Variants in HS6ST3 observed in about 807,000 individuals in gnomAD.
HS6ST3 encodes the protein heparan sulfate 6-O-sulfotransferase 3, also known as heparan-sulfate 6-O-sulfotransferase 3.
HS6ST3 carries 12 observed loss-of-function variants against 36.7 expected under a neutral mutation model. That is an observed-to-expected ratio of 0.33 (90% CI 0.21 to 0.53). The LOEUF is 0.53. Ranked by LOEUF, HS6ST3 falls within the 20% of genes least tolerant of loss-of-function variation. The pLI is 0.95. For missense variants in HS6ST3, 584 were observed against 640.9 expected (o/e 0.91, Z 0.96); for synonymous variants, 240 against 257.5 (o/e 0.93, Z 0.65).
At chr13:96,124,111 A>C (rs756764968) in intron 1 of HS6ST3, among the ~76,000 whole-genome samples, 4 of 152,206 alleles carry the variant, frequency 2.6e-5, no homozygotes. Flanking sequence ...TGGGGACTGA[A>C]TTATCCCAGA....
chr13:96,153,505 G>T (rs1196121972), intron 1 of HS6ST3, among the ~76,000 whole-genome samples: 1 of 151,990 alleles, frequency 6.6e-6, no homozygotes, highest in Admixed American at 6.5e-5. Flanking sequence ...TTTCATCCCC[G>T]CTATGTGAAA....
At chr13:96,702,827 G>T (rs1319967130) in intron 1 of HS6ST3, among the ~76,000 whole-genome samples, 2 of 152,200 alleles carry the variant, frequency 1.3e-5, no homozygotes, top group Admixed American at 6.5e-5. Context: ...ACGAGTAAAA[G>T]GGGTGAGAGA....
chr13:96,798,267 G>A (rs963792594), intron 1 of HS6ST3, among the ~76,000 whole-genome samples: 23 of 151,998 alleles, frequency 1.5e-4, no homozygotes, highest in African/African-American at 5.6e-4. Context: ...ACTGTCTTTG[G>A]GAGGCTTTAT....
At chr13:96,239,958 A>G (rs2054552478) in intron 1 of HS6ST3, among the ~76,000 whole-genome samples, 1 of 152,134 alleles carries the variant, frequency 6.6e-6, no homozygotes. Flanking sequence ...TTAGATCTCT[A>G]TGTTTAGTCA....
At chr13:96,342,281 A>C (rs1335404600) in intron 1 of HS6ST3, among the ~76,000 whole-genome samples, 3 of 152,114 alleles carry the variant, frequency 2.0e-5, no homozygotes, top group African/African-American at 7.2e-5. Context: ...TTTGCATATC[A>C]TTTGTTATAT....
At position 96,150,286 on chromosome 13, in the gene HS6ST3, G is replaced by T. The variant is rs188210595; in HGVS notation, c.707+58717G>T. Among the ~76,000 whole-genome samples the T allele has an allele frequency of 5.2e-3, 798 of 152,164 alleles. 5 individuals carry two copies. The highest frequency in any genetic ancestry group is 7.0e-3 in the Non-Finnish European group (473 of 68,010). ...GCTAATTGGTCCATGGGTGGTCTTGGGAAAAGCACAATTCGATTGGTTAAG... is the reference window on the plus strand; with the variant it reads ...GCTAATTGGTCCATGGGTGGTCTTGTGAAAAGCACAATTCGATTGGTTAAG... On this transcript the variant is annotated intron_variant, in intron 1 of 1. Coordinates refer to ENST00000376705, the MANE Select transcript of HS6ST3 (RefSeq NM_153456.4).
At chr13:96,710,034 T>C (rs954208881) in intron 1 of HS6ST3, among the ~76,000 whole-genome samples, 2 of 152,214 alleles carry the variant, frequency 1.3e-5, no homozygotes, top group African/African-American at 2.4e-5. Context: ...ACTGCAACTC[T>C]GTGCTGTTTC....
chr13:96,723,443 C>G (rs1428470163), intron 1 of HS6ST3, among the ~76,000 whole-genome samples: 1 of 152,160 alleles, frequency 6.6e-6, no homozygotes, highest in Non-Finnish European at 1.5e-5. Flanking sequence ...CCTGCACTGC[C>G]TATGCCCAGT....
At chr13:96,411,261 G>C (rs908468590) in intron 1 of HS6ST3, among the ~76,000 whole-genome samples, 3 of 152,132 alleles carry the variant, frequency 2.0e-5, no homozygotes, top group Non-Finnish European at 4.4e-5. Flanking sequence ...GACCAACGAG[G>C]AAGCTGCTTC....
intron 1 of HS6ST3, among the ~76,000 whole-genome samples, chr13:96,175,694 CA>C (rs4001570): frequency 0.093 from 13,024 of 140,652 alleles, 664 homozygotes; most frequent in East Asian, 0.16. Flanking sequence ...GTGAATTTGG[CA>C]AAAAAAAAAA....
chr13:96,804,661 T>G (rs1275812159), intron 1 of HS6ST3, among the ~76,000 whole-genome samples: 3 of 152,182 alleles, frequency 2.0e-5, no homozygotes, highest in Non-Finnish European at 4.4e-5. Flanking sequence ...GGGTCCTTCC[T>G]TCCTTCAGTG....
intron 1 of HS6ST3, among the ~76,000 whole-genome samples, chr13:96,278,048 C>T (rs1296352437): frequency 6.6e-6 from 1 of 152,212 alleles, no homozygotes. Flanking sequence ...ATTTTAAAGA[C>T]ATGGCTGACA....
At chr13:96,550,319 T>C (rs937216225) in intron 1 of HS6ST3, among the ~76,000 whole-genome samples, 3 of 152,106 alleles carry the variant, frequency 2.0e-5, no homozygotes, top group African/African-American at 7.2e-5. Flanking sequence ...GCTCCCTCTC[T>C]TGCCATGTGA....
chr13:96,210,718 C>T (rs1246462571), intron 1 of HS6ST3, among the ~76,000 whole-genome samples: 2 of 151,532 alleles, frequency 1.3e-5, no homozygotes, highest in African/African-American at 4.8e-5. Flanking sequence ...CTCAGCCTTT[C>T]GAGTAGGTGG....
chr13:96,370,794 G>A (rs146393426), intron 1 of HS6ST3, among the ~76,000 whole-genome samples: 111 of 152,282 alleles, frequency 7.3e-4, no homozygotes, highest in African/African-American at 2.5e-3. Flanking sequence ...CTACTCGGGA[G>A]GCTGGGGCAG....
intron 1 of HS6ST3, among the ~76,000 whole-genome samples, chr13:96,750,067 A>G (rs1876661496): frequency 6.6e-6 from 1 of 152,168 alleles, no homozygotes; most frequent in Admixed American, 6.6e-5. Flanking sequence ...ACACATTTCC[A>G]TTTATCAATG....
At chr13:96,262,941 T>C (rs1026972123) in intron 1 of HS6ST3, among the ~76,000 whole-genome samples, 5 of 152,348 alleles carry the variant, frequency 3.3e-5, no homozygotes, top group African/African-American at 1.2e-4. Context: ...CTGTGGTAGC[T>C]TATGTATGAC....
chr13:96,812,891 G>T (rs1878347051), intron 1 of HS6ST3, among the ~76,000 whole-genome samples: 1 of 152,186 alleles, frequency 6.6e-6, no homozygotes, highest in African/African-American at 2.4e-5. Context: ...CATGTTTTCA[G>T]TGACTCTTGG....
At chr13:96,634,105 A>G (rs750694264) in intron 1 of HS6ST3, among the ~76,000 whole-genome samples, 15 of 152,192 alleles carry the variant, frequency 9.9e-5, no homozygotes, top group Non-Finnish European at 2.2e-4. Context: ...ACCAGAACCT[A>G]GCCATGCTGG....
Sources: allele counts gnomAD v4.1 joint callset (sites outside exome capture counted in the v4.1 genomes callset), GRCh38; gene constraint gnomAD v4.1.1; transcripts MANE v1.5; gene names NCBI Gene and HGNC (gene_info 2026-07-23, HGNC 2026-07-21).